Variants in GTF2IRD1 observed in about 807,000 individuals in gnomAD.
GTF2IRD1 encodes general transcription factor II-I repeat domain-containing protein 1.
In GTF2IRD1, 26 loss-of-function variants were observed where a neutral mutation model predicts 113.2. The observed-to-expected ratio is 0.23, with a 90% CI of 0.17 to 0.32. The LOEUF (loss-of-function observed/expected upper bound fraction) is 0.32. Ranked by LOEUF, GTF2IRD1 falls within the 10% of genes least tolerant of loss-of-function variation. The pLI is 1.00. For missense variants in GTF2IRD1, 864 were observed against 1,280.8 expected, an observed-to-expected ratio of 0.67 and a Z score of 4.97; for synonymous variants, 484 against 529.1, an observed-to-expected ratio of 0.91 and a Z score of 1.17.
At chr7:74,563,798 A>G (rs1800123555) in intron 22 of GTF2IRD1, among the ~76,000 whole-genome samples, 2 of 152,002 alleles carry the variant, frequency 1.3e-5, no homozygotes, top group African/African-American at 4.8e-5. Context: ...AAGCAGGAGG[A>G]TGGCTTGAGC....
intron 25 of GTF2IRD1, among the ~76,000 whole-genome samples, chr7:74,599,054 G>T (rs587614987): frequency 1.1e-4 from 17 of 152,278 alleles, no homozygotes; most frequent in African/African-American, 4.1e-4. Context: ...CAGCACTTTG[G>T]GAGGCTGAAG....
chr7:74,526,750 G>A (rs1991777583), intron 8 of GTF2IRD1, among the ~76,000 whole-genome samples: 1 of 151,382 alleles, frequency 6.6e-6, no homozygotes, highest in Non-Finnish European at 1.5e-5. Context: ...GCACTCAAAG[G>A]ACCAATTGCT....
At position 74,512,246 on chromosome 7, in the gene GTF2IRD1, G is replaced by A. The variant is rs1243994212; in HGVS notation, c.124-584G>A. 6.6e-6 allele frequency among the ~76,000 whole-genome samples: 1 copy of A among 152,190 alleles called. No individual in the cohort carries two copies. The highest frequency in any genetic ancestry group is 1.5e-5 in the Non-Finnish European group (1 of 68,036). On this transcript the variant is annotated intron_variant, in intron 2 of 26. Transcript: ENST00000424337. This position sits in a 1 kb window ranked among gnomAD's most constrained non-coding sequence, Gnocchi z 4.4. ...GGGCGCCTGTAGTCCCAGCTACTCG[G>A]GAGGCTGAGGCAGGAGAATCGCTTG...
chr7:74,516,271 C>G (rs1224819663), intron 4 of GTF2IRD1, among the ~76,000 whole-genome samples: 1 of 152,262 alleles, frequency 6.6e-6, no homozygotes. Context: ...CCACAGTGCC[C>G]TGTCCCCTCT....
intron 22 of GTF2IRD1, among the ~76,000 whole-genome samples, chr7:74,583,844 T>TC (rs1163809140): frequency 1.3e-5 from 2 of 152,084 alleles, no homozygotes; most frequent in Non-Finnish European, 2.9e-5. Context: ...TTTCCTTGTG[T>TC]CTTACTCACC....
chr7:74,560,697 TCAGCCTAC>T (rs1319306954), intron 22 of GTF2IRD1, among the ~76,000 whole-genome samples: 2 of 151,916 alleles, frequency 1.3e-5, no homozygotes, highest in African/African-American at 4.8e-5. Flanking sequence ...CTATTCTGCC[TCAGCCTAC>T]CAAGTAGCTG....
At chr7:74,479,278 G>T (rs1045348383) in intron 1 of GTF2IRD1, among the ~76,000 whole-genome samples, 1 of 152,068 alleles carries the variant, frequency 6.6e-6, no homozygotes, top group Non-Finnish European at 1.5e-5. Context: ...CAATGGCCAC[G>T]CTGGTCTCTG....
At chr7:74,543,056 AG>A (rs1798718576) in intron 14 of GTF2IRD1, among the ~76,000 whole-genome samples, 1 of 147,920 alleles carries the variant, frequency 6.8e-6, no homozygotes, top group African/African-American at 2.5e-5. Flanking sequence ...TTATAATCCC[AG>A]CACTTTGGGA....
At chr7:74,510,305 A>AT (rs1796547854) in intron 2 of GTF2IRD1, among the ~76,000 whole-genome samples, 4 of 133,886 alleles carry the variant, frequency 3.0e-5, no homozygotes, top group Non-Finnish European at 1.5e-5. Flanking sequence ...GGCTATTTGC[A>AT]ATTTTTTTTT....
intron 1 of GTF2IRD1, among the ~76,000 whole-genome samples, chr7:74,471,001 C>T (rs572846427): frequency 1.3e-5 from 2 of 152,230 alleles, no homozygotes; most frequent in Admixed American, 6.5e-5. Context: ...GATGGGATTT[C>T]GCCATGCTGG....
intron 22 of GTF2IRD1, among the ~76,000 whole-genome samples, chr7:74,561,148 A>C (rs782132951): frequency 1.3e-4 from 19 of 151,966 alleles, no homozygotes; most frequent in Non-Finnish European, 2.2e-4. Context: ...CAGGAGTTCG[A>C]GATCAGCCTG....
chr7:74,491,734 G>T (rs1205261006), intron 1 of GTF2IRD1, among the ~76,000 whole-genome samples: 4 of 152,062 alleles, frequency 2.6e-5, no homozygotes, highest in African/African-American at 9.7e-5. Flanking sequence ...ATCATTGATG[G>T]GCATTTAGGT....
At chr7:74,527,119 G>A (rs1279140028) in intron 8 of GTF2IRD1, among the ~76,000 whole-genome samples, 2 of 152,174 alleles carry the variant, frequency 1.3e-5, no homozygotes, top group East Asian at 1.9e-4. Context: ...ACAGTGTATC[G>A]AGGCCCCGTC....
At chr7:74,584,269 C>T (rs1554367089) in intron 22 of GTF2IRD1, among the ~76,000 whole-genome samples, 2 of 152,074 alleles carry the variant, frequency 1.3e-5, no homozygotes, top group African/African-American at 4.8e-5. Flanking sequence ...CATAACAAAA[C>T]CCCATCTCTA....
rs1802732316 is a variant in GTF2IRD1 at position 74,601,065 on chromosome 7, A to G, written c.2651A>G (p.Lys884Arg). ...CCAGCCAAAGACAGCAGCATTCCCA[A>G]GCGCAAGAGAAAGCGGGTCTCGGAA... ...KVPAKDSSIP[K>R]RKRKRVSEGN... is the part of the protein sequence containing the mutation. The change falls in exon 26 of 27, where the codon AAG becomes AGG. Residue 884 changes from lysine to arginine, a missense_variant. Physicochemically the swap from Lys to Arg is conservative, Grantham distance 26. Around this residue, in one of 7 missense-constraint regions of GTF2IRD1, gnomAD observed 55 missense variants for 52.2 expected, o/e 1.05. Coordinates refer to ENST00000424337, the MANE Select transcript of GTF2IRD1 (RefSeq NM_005685.4). The G allele has an allele frequency of 6.2e-7, 1 of 1,614,152 alleles. No homozygotes were observed. Among genetic ancestry groups the G allele is most frequent in the Non-Finnish European group, 8.5e-7 (1 of 1,180,026 alleles).
chr7:74,491,030 G>A lies in GTF2IRD1; in HGVS notation c.-6-17045G>A, dbSNP rs189288777. ...CTTAAAGCAACAGAAATTTCAGGCC[G>A]AGTGCGGTGGCTCATGCCTGTAATC... is the stretch of plus-strand genomic sequence containing the variant. On this transcript the variant is annotated intron_variant, in intron 1 of 26. Coordinates refer to ENST00000424337, the MANE Select transcript of GTF2IRD1 (RefSeq NM_005685.4). 9.1e-4 allele frequency among the ~76,000 whole-genome samples: 138 copies of A among 152,230 alleles called. 2 individuals carry two copies. Among genetic ancestry groups the A allele is most frequent in the African/African-American group, 2.9e-3 (122 of 41,538 alleles).
intron 1 of GTF2IRD1, among the ~76,000 whole-genome samples, chr7:74,480,026 C>T (rs1794646759): frequency 2.0e-5 from 3 of 152,088 alleles, no homozygotes; most frequent in African/African-American, 7.2e-5. Context: ...GGATTACAGT[C>T]GTGAGCCATC....
chr7:74,524,177 C>T (rs1554346703), intron 8 of GTF2IRD1, 23 bp downstream of exon 8: 6 of 1,478,744 alleles, frequency 4.1e-6, no homozygotes, highest in Admixed American at 3.5e-5. Flanking sequence ...CGCGGCCCGC[C>T]GTGTGGCCCC....
intron 26 of GTF2IRD1, 29 bp downstream of exon 26, chr7:74,601,209 A>T (rs587755684): frequency 6.4e-7 from 1 of 1,556,386 alleles, no homozygotes; most frequent in East Asian, 2.4e-5. Flanking sequence ...GGACTCCGGC[A>T]CTCATCTCTG....
Sources: gnomAD v4.1 joint callset for allele counts (sites outside exome capture counted in the v4.1 genomes callset) on GRCh38, gnomAD v4.1.1 for gene constraint, gnomAD v4.1.1 regional missense constraint, Gnocchi (gnomAD v3.1) non-coding constraint, MANE v1.5 for transcripts, NCBI Gene and HGNC (gene_info 2026-07-23, HGNC 2026-07-21) for gene names.